The following USP9Y variants were observed in gnomAD, a reference collection of about 807,000 sequenced individuals.
USP9Y encodes the protein ubiquitin specific peptidase 9 Y-linked.
A neutral mutation model predicts 53.1 loss-of-function variants in USP9Y; 41 were observed. The ratio of observed to expected loss-of-function variants is 0.77; its 90% CI spans 0.60 to 1.00. The LOEUF (loss-of-function observed/expected upper bound fraction) is 1.00, where lower values mean the gene tolerates loss of function less well. USP9Y is among the 50% of genes least tolerant of loss of function. The probability of loss-of-function intolerance (pLI) is 0.00; values close to 1 mark genes in which losing one functional copy is unlikely to be tolerated. For synonymous variants in USP9Y, 220 were observed against 173.7 expected (o/e 1.27, Z -2.09); for missense variants, 567 against 535.8 (o/e 1.06, Z -0.58).
chrY:12,781,757 T>C, intron 22 of USP9Y, among the ~76,000 whole-genome samples: 2 of 33,739 alleles, frequency 5.9e-5, no homozygotes, highest in Admixed American at 5.4e-4. Flanking sequence ...TATTGTGATA[T>C]TGGCAGCAAT....
intron 3 of USP9Y, among the ~76,000 whole-genome samples, chrY:12,709,987 T>C: frequency 3.1e-5 from 1 of 32,552 alleles, no homozygotes; most frequent in Non-Finnish European, 7.5e-5. Context: ...TGGCATTTAG[T>C]GAAAGGAAAC....
intron 4 of USP9Y, among the ~76,000 whole-genome samples, chrY:12,721,801 C>T (rs895522465): frequency 6.4e-4 from 21 of 33,030 alleles, no homozygotes; most frequent in Non-Finnish European, 1.4e-3. Flanking sequence ...AAAAGGTATA[C>T]ATTTAATTGA....
Position 12,790,481 on chromosome Y carries a change from G to A in USP9Y, c.3636G>A (p.Glu1212=), listed in dbSNP as rs20321. The part of the protein sequence containing the change: ...ALQSIPNPSS[E]CVLRNESILL... ...AGAGCATTCCTAATCCCTCATCCGA[G>A]TGCGTACTTAGAAATGAGTCCATAC... Residue 1212 remains glutamate (E), a synonymous_variant, in exon 25 of 46, where the codon GAG becomes GAA. Transcript: ENST00000338981. 0.028 allele frequency: 10,851 copies of A among 393,443 alleles called. No individual in the cohort carries two copies. The highest frequency in any genetic ancestry group is 0.035 in the Non-Finnish European group (9,794 of 280,437).
rs770903250 is a variant in USP9Y, at chrY:12,773,677, C to T, written c.2083C>T (p.Arg695Cys). The T allele has an allele frequency of 5.0e-6, 2 of 398,481 alleles. No homozygotes were observed. The highest frequency in any genetic ancestry group is 9.2e-5 in the East Asian group (1 of 10,827). The change falls in exon 17 of 46, where the codon CGT (arginine) becomes TGT (cysteine). Residue 695 changes from arginine to cysteine, a missense_variant. By Grantham distance (180) the Arg-to-Cys change is radical. Transcript: ENST00000338981. ...LAENAVYLCD[R>C]EACFKWYSKL... ...AGAAAATGCAGTTTATCTTTGTGATCGTGAAGCCTGTTTTAAGTGGTATTC... is the reference window on the plus strand; with the variant it reads ...AGAAAATGCAGTTTATCTTTGTGATTGTGAAGCCTGTTTTAAGTGGTATTC...
In USP9Y at chrY:12,735,646, C is replaced by T; in HGVS notation, c.692C>T (p.Thr231Ile). Residue 231 changes from threonine (T) to isoleucine (I), a missense_variant, in exon 8 of 46, where the codon ACA becomes ATA. By Grantham distance (89) the Thr-to-Ile change is moderately conservative. Transcript: ENST00000338981. ...GTGGATCTCATCAATAAATTTGGCA[C>T]ATTAAATGGGTTCCAGATTTTGCAT... The part of the protein sequence containing the change: ...WLVDLINKFG[T>I]LNGFQILHDR... 1 of 395,320 alleles carries T rather than the reference C, an allele frequency of 2.5e-6. No individual in the cohort carries two copies. Among genetic ancestry groups the T allele is most frequent in the Non-Finnish European group, 3.6e-6 (1 of 281,603 alleles).
intron 4 of USP9Y, chrY:12,721,322 A>G: frequency 3.0e-5 from 1 of 33,780 alleles, no homozygotes; most frequent in African/African-American, 1.2e-4. Flanking sequence ...GGATAGAATC[A>G]GTTTACCTTT....
chrY:12,716,798 C>T, intron 3 of USP9Y, among the ~76,000 whole-genome samples: 1 of 32,086 alleles, frequency 3.1e-5, no homozygotes, highest in Non-Finnish European at 7.6e-5. Context: ...TAGTAGACAA[C>T]GGGGTATCAC....
intron 19 of USP9Y, 35 bp downstream of exon 19, chrY:12,776,895 A>G: frequency 3.0e-6 from 1 of 327,951 alleles, no homozygotes; most frequent in African/African-American, 6.6e-5. Flanking sequence ...GTTAATTTAC[A>G]ATTACTTAAT....
At chrY:12,787,096 T>C in intron 24 of USP9Y, among the ~76,000 whole-genome samples, 1 of 33,569 alleles carries the variant, frequency 3.0e-5, no homozygotes, top group Admixed American at 2.8e-4. Flanking sequence ...CTGAATCTTT[T>C]GTTAAGTCAT....
At chrY:12,709,363 T>C in intron 2 of USP9Y, 25 bp from the exon 3 acceptor site, 1 of 224,040 alleles carries the variant, frequency 4.5e-6, no homozygotes, top group Admixed American at 8.8e-5. Context: ...ATCTTCTATA[T>C]GTGGACTATA....
At chrY:12,703,008 C>G (rs765527349) in intron 1 of USP9Y, among the ~76,000 whole-genome samples, 4 of 33,062 alleles carry the variant, frequency 1.2e-4, no homozygotes, top group Admixed American at 2.7e-4. Flanking sequence ...TAGAGAAAGG[C>G]TTTGCGCCTT....
intron 15 of USP9Y, among the ~76,000 whole-genome samples, chrY:12,764,398 G>T: frequency 3.0e-5 from 1 of 33,593 alleles, no homozygotes; most frequent in African/African-American, 1.2e-4. Flanking sequence ...CTGACTCAGT[G>T]TCAAAGTATC....
Position 12,763,667 on chromosome Y carries a change from T to G in USP9Y, c.1900+3050T>G, listed in dbSNP as rs2053477731. 1.9e-4 allele frequency among the ~76,000 whole-genome samples: 3 copies of G among 15,442 alleles called. No individual in the cohort carries two copies. The East Asian group carries it at 4.5e-3, about 23-fold the overall frequency. 41.4% of individuals were successfully genotyped at this position (15,442 alleles called of 37,273 possible). A position where few individuals can be genotyped will look rare whatever the true frequency, so the allele number is the denominator to read the frequency against. On this transcript the variant is annotated intron_variant, in intron 15 of 45. Coordinates refer to ENST00000338981, the MANE Select transcript of USP9Y (RefSeq NM_004654.4). The stretch of plus-strand genomic sequence containing the variant: ...TTCTACCTCATTTTCTTTGTGTTTT[T>G]TTTTTTTTTTTTTTTTTTTTTTTGA...
rs2053582764 is a variant in USP9Y, at chrY:12,860,165, G to GA, written c.*754dup. The GA allele has an allele frequency of 3.0e-5, 1 of 33,096 alleles. No individual in the cohort carries two copies. The highest frequency in any genetic ancestry group is 1.2e-4 in the African/African-American group (1 of 8,496). The allele number at this position is 33,096 out of a possible 400,897, so 8.3% of individuals were successfully genotyped here. Reference sequence around the variant, plus strand: ...TACCTAGAATAAATATAAAATGGGGGAAAAATGTGACAGACAAGCAGTTTT... The same window carrying GA: ...TACCTAGAATAAATATAAAATGGGGGAAAAAATGTGACAGACAAGCAGTTTT... On this transcript the variant is annotated 3_prime_UTR_variant, in exon 46 of 46. Transcript: ENST00000338981.
rs35906235 is a variant in USP9Y, at chrY:12,812,708, G to T, written c.4387-122G>T. ...GGGTTTTTTTGTGGGGTTTTGTTTT[G>T]AGATATAATGAGATATTTAATTATG... On this transcript the variant is annotated intron_variant, in intron 30 of 45. Transcript: ENST00000338981. 9.0e-3 allele frequency: 1,383 copies of T among 153,580 alleles called. No homozygotes were observed. The East Asian group carries it at 0.093, about 10-fold the overall frequency. The allele number at this position is 153,580 out of a possible 400,897, so 38.3% of individuals were successfully genotyped here. A position where few individuals can be genotyped will look rare whatever the true frequency, so the allele number is the denominator to read the frequency against.
At chrY:12,822,608 G>A in intron 33 of USP9Y, among the ~76,000 whole-genome samples, 1 of 33,173 alleles carries the variant, frequency 3.0e-5, no homozygotes, top group Non-Finnish European at 7.4e-5. Context: ...CAGATGATTC[G>A]CCTGCCTTGG....
At position 12,748,012 on chromosome Y, in the gene USP9Y, G is replaced by A. The variant is rs752159978; in HGVS notation, c.1422+8383G>A. Among the ~76,000 whole-genome samples, 12 of 33,006 alleles carry A rather than the reference G, an allele frequency of 3.6e-4. No individual in the cohort carries two copies. In the South Asian group the frequency reaches 5.3e-3, roughly 15 times the overall value. The allele number at this position is 33,006 out of a possible 37,273, so 88.6% of individuals were successfully genotyped here. A position where few individuals can be genotyped will look rare whatever the true frequency, so the allele number is the denominator to read the frequency against. ...TACTAAAAATACAAAAAAATGAGCC[G>A]GGCATGGTGGCACATGTCTGTAATC... On this transcript the variant is annotated intron_variant, in intron 12 of 45. Coordinates refer to ENST00000338981, the MANE Select transcript of USP9Y (RefSeq NM_004654.4).
chrY:12,735,496 A>G, intron 7 of USP9Y, 116 bp from the exon 8 acceptor site: 2 of 145,662 alleles, frequency 1.4e-5, no homozygotes, highest in South Asian at 1.2e-4. Context: ...AAGATAATTT[A>G]GTATAATTTT....
intron 12 of USP9Y, among the ~76,000 whole-genome samples, chrY:12,746,162 T>C: frequency 2.9e-5 from 1 of 34,069 alleles, no homozygotes; most frequent in South Asian, 6.5e-4. Context: ...TTAATTGCAA[T>C]TAACAGCACA....
Sources: allele counts gnomAD v4.1 joint callset (sites outside exome capture counted in the v4.1 genomes callset), GRCh38; gene constraint gnomAD v4.1.1; transcripts MANE v1.5; gene names NCBI Gene and HGNC (gene_info 2026-07-23, HGNC 2026-07-21).